CACHD1: variants seen among roughly 807,000 people sequenced by gnomAD.
CACHD1 encodes the protein cache domain containing 1, also known as VWFA and cache domain-containing protein 1.
In CACHD1, 71 loss-of-function variants were observed where a neutral mutation model predicts 138.7. The observed-to-expected ratio is 0.51, with a 90% CI of 0.42 to 0.62. The LOEUF (loss-of-function observed/expected upper bound fraction) is 0.62, where lower values mean the gene tolerates loss of function less well. Among genes scored for constraint, CACHD1 ranks in the 20% least tolerant of loss-of-function variants. The pLI is 0.00. For synonymous variants in CACHD1, 578 were observed against 591.5 expected (o/e 0.98, Z 0.33); for missense variants, 1,389 against 1,625.3 (o/e 0.85, Z 2.50).
At chr1:64,508,483 G>T (rs542676047) in intron 1 of CACHD1, among the ~76,000 whole-genome samples, 2 of 152,130 alleles carry the variant, frequency 1.3e-5, no homozygotes, top group Middle Eastern at 6.3e-3. Flanking sequence ...TGTGACCTTG[G>T]ATTAGCAAAT....
chr1:64,545,228 A>AT (rs1414115463), intron 1 of CACHD1, among the ~76,000 whole-genome samples: 1 of 152,244 alleles, frequency 6.6e-6, no homozygotes, highest in Non-Finnish European at 1.5e-5. Flanking sequence ...AAGTAAATTT[A>AT]TTGAAGCATA....
Position 64,538,740 on chromosome 1 carries a change from G to A in CACHD1, c.199-11854G>A, listed in dbSNP as rs75535108. Among the ~76,000 whole-genome samples the A allele has an allele frequency of 1.1e-4, 17 of 152,242 alleles. No individual in the cohort carries two copies. In the East Asian group the frequency reaches 2.5e-3, roughly 22 times the overall value. ...TTGAATAAAGGAATATACCAGAATC[G>A]TATTTATGAAAATTCTCTCTTTGGA... On this transcript the variant is annotated intron_variant, in intron 1 of 26. Coordinates refer to ENST00000651257, the MANE Select transcript of CACHD1 (RefSeq NM_020925.4).
intron 1 of CACHD1, among the ~76,000 whole-genome samples, chr1:64,500,166 G>A (rs918702231): frequency 2.6e-5 from 4 of 152,192 alleles, no homozygotes; most frequent in Non-Finnish European, 5.9e-5. Flanking sequence ...CTTTGGCTGG[G>A]TAATGACACA....
At chr1:64,611,496 T>C (rs1647533136) in intron 4 of CACHD1, among the ~76,000 whole-genome samples, 1 of 152,240 alleles carries the variant, frequency 6.6e-6, no homozygotes, top group South Asian at 2.1e-4. Flanking sequence ...CTTAGAAATT[T>C]CTTCCTTGCC....
chr1:64,615,639 T>C (rs1201049358), intron 4 of CACHD1, among the ~76,000 whole-genome samples: 4 of 152,190 alleles, frequency 2.6e-5, no homozygotes, highest in Admixed American at 2.6e-4. Context: ...TGTTTCCTCT[T>C]CTGTATAATG....
rs1313286546 is a variant in CACHD1, at chr1:64,682,033, C to T, written c.3513C>T (p.Val1171=). 1 of 1,614,100 alleles carries T rather than the reference C, an allele frequency of 6.2e-7. No individual in the cohort carries two copies. The highest frequency in any genetic ancestry group is 8.5e-7 in the Non-Finnish European group (1 of 1,180,000). ...IISNTRFIAA[V]IERHAHSPER... ...GCAACACTCGGTTTATAGCTGCGGTCATCGAACGACATGCACACAGTCCAG... is the reference window on the plus strand; with the variant it reads ...GCAACACTCGGTTTATAGCTGCGGTTATCGAACGACATGCACACAGTCCAG... Residue 1171 remains valine, a synonymous_variant, in exon 26 of 27, where the codon GTC becomes GTT. Transcript: ENST00000651257.
chr1:64,634,661 A>T (rs1648445736), intron 7 of CACHD1, among the ~76,000 whole-genome samples: 1 of 152,110 alleles, frequency 6.6e-6, no homozygotes, highest in African/African-American at 2.4e-5. Flanking sequence ...CTGGAATTAC[A>T]AGCATGAGTC....
chr1:64,639,657 C>T (rs914974250), intron 7 of CACHD1, among the ~76,000 whole-genome samples: 1 of 152,082 alleles, frequency 6.6e-6, no homozygotes, highest in Non-Finnish European at 1.5e-5. Context: ...TTAAATTCTG[C>T]CTAATAAAGA....
intron 1 of CACHD1, among the ~76,000 whole-genome samples, chr1:64,534,832 TG>T (rs1646619162): frequency 6.6e-6 from 1 of 152,230 alleles, no homozygotes; most frequent in Admixed American, 6.5e-5. Context: ...CTTCAGCTCC[TG>T]GAAGGACCAA....
chr1:64,668,196 G>A (rs188236091), intron 16 of CACHD1, among the ~76,000 whole-genome samples: 21 of 151,982 alleles, frequency 1.4e-4, no homozygotes, highest in Admixed American at 6.5e-4. Flanking sequence ...GCATGGAGGC[G>A]CATGCCTGTA....
intron 7 of CACHD1, among the ~76,000 whole-genome samples, chr1:64,634,663 G>C (rs1212053132): frequency 6.6e-6 from 1 of 152,098 alleles, no homozygotes; most frequent in East Asian, 1.9e-4. Flanking sequence ...GGAATTACAA[G>C]CATGAGTCAC....
chr1:64,543,432 T>TATATATATATATATATATATATATATA (rs1553131399), intron 1 of CACHD1, among the ~76,000 whole-genome samples: 1 of 147,064 alleles, frequency 6.8e-6, no homozygotes, highest in African/African-American at 2.5e-5. Context: ...TATATTTAAA[T>TATATATATATATATATATATATATATA]TAGCCAGCAG....
At position 64,666,087 on chromosome 1, in the gene CACHD1, G is replaced by A. The variant is rs764944287; in HGVS notation, c.2307G>A (p.Leu769=). The change falls in exon 16 of 27, where the codon TTG becomes TTA. Residue 769 remains leucine, a synonymous_variant. Coordinates refer to ENST00000651257, the MANE Select transcript of CACHD1 (RefSeq NM_020925.4). ...WYLHAVANPG[L]ISLTGPYLDV... ...TCCATGCAGTAGCTAATCCAGGGTT[G>A]ATTTCTTTGACTGGTCCTTACTTAG... is the stretch of plus-strand genomic sequence containing the variant. 1.9e-6 allele frequency: 3 copies of A among 1,612,100 alleles called. No homozygotes were observed. The South Asian group carries it at 3.3e-5, about 18-fold the overall frequency.
chr1:64,610,678 C>A (rs1342660567), intron 4 of CACHD1, among the ~76,000 whole-genome samples: 1 of 152,200 alleles, frequency 6.6e-6, no homozygotes, highest in African/African-American at 2.4e-5. Flanking sequence ...CCTCCTGGCT[C>A]CTATCACGGG....
chr1:64,533,240 C>T (rs1281479724), intron 1 of CACHD1, among the ~76,000 whole-genome samples: 1 of 152,144 alleles, frequency 6.6e-6, no homozygotes, highest in African/African-American at 2.4e-5. Flanking sequence ...CCTATAGCCC[C>T]AGCTACATGG....
At chr1:64,624,097 G>A (rs1042807944) in intron 4 of CACHD1, among the ~76,000 whole-genome samples, 2 of 152,224 alleles carry the variant, frequency 1.3e-5, no homozygotes, top group East Asian at 1.9e-4. Context: ...GGGATGCACA[G>A]CACATTGATA....
At chr1:64,516,571 G>A (rs1263398090) in intron 1 of CACHD1, among the ~76,000 whole-genome samples, 1 of 152,166 alleles carries the variant, frequency 6.6e-6, no homozygotes, top group East Asian at 1.9e-4. Flanking sequence ...AGCCAGACTC[G>A]ATTATGCATT....
intron 2 of CACHD1, among the ~76,000 whole-genome samples, chr1:64,578,633 G>A (rs1197735528): frequency 1.3e-5 from 2 of 152,176 alleles, no homozygotes; most frequent in Admixed American, 6.5e-5. Context: ...TACTCTGGGG[G>A]CTGAAATTAT....
intron 3 of CACHD1, among the ~76,000 whole-genome samples, chr1:64,592,678 G>A (rs1269964187): frequency 6.6e-6 from 1 of 152,188 alleles, no homozygotes; most frequent in East Asian, 1.9e-4. Flanking sequence ...CACTAGGTCA[G>A]CTACACAAAT....
Sources: allele counts gnomAD v4.1 joint callset (sites outside exome capture counted in the v4.1 genomes callset), GRCh38; gene constraint gnomAD v4.1.1; transcripts MANE v1.5; gene names NCBI Gene and HGNC (gene_info 2026-07-23, HGNC 2026-07-21).